DELE1: variants seen among roughly 807,000 people sequenced by gnomAD.
DELE1 encodes DAP3 binding cell death enhancer 1.
A neutral mutation model predicts 59.3 loss-of-function variants in DELE1; 54 were observed. That is an observed-to-expected ratio of 0.91 (90% confidence interval 0.73 to 1.14). The LOEUF (loss-of-function observed/expected upper bound fraction) is 1.14, where lower values mean the gene tolerates loss of function less well. DELE1 is among the 50% of genes most tolerant of loss of function. The pLI is 0.00. For synonymous variants in DELE1, 264 were observed against 259.1 expected (o/e 1.02, Z -0.18); for missense variants, 636 against 643.9 (o/e 0.99, Z 0.13).
In DELE1 at chr5:141,923,973, G is replaced by C. The variant is rs987508740; in HGVS notation, c.31+1G>C. ...CGCCTCCCGGGACTCCTGGGCCGAG[G>C]TAAGGGACGTCCAAGCAACCAGCGT... On this transcript the variant is annotated splice_donor_variant, in intron 1 of 11. Coordinates refer to ENST00000432126, the MANE Select transcript of DELE1 (RefSeq NM_014773.5). LOFTEE classifies it high-confidence loss of function. 2.0e-5 allele frequency: 33 copies of C among 1,609,866 alleles called. No individual in the cohort carries two copies. Among genetic ancestry groups the C allele is most frequent in the Non-Finnish European group, 2.8e-5 (33 of 1,178,310 alleles).
At position 141,934,606 on chromosome 5, in the gene DELE1, A is replaced by G; in HGVS notation, c.1149+20A>G. ...AATGGGGTATGCGATCTCAGTGGAC[A>G]AGCATGTTGGGGATGAAGCCTGATA... On this transcript the variant is annotated intron_variant, in intron 10 of 11. Transcript: ENST00000432126. The G allele has an allele frequency of 6.2e-7, 1 of 1,608,268 alleles. No homozygotes were observed. Among genetic ancestry groups the G allele is most frequent in the Non-Finnish European group, 8.5e-7 (1 of 1,174,600 alleles).
chr5:141,934,527 G>T lies in DELE1; in HGVS notation c.1090G>T (p.Glu364Ter). ...QAFLGVLFTK[E>*]PYLDEQRAVK... ...TTTCCTCGGGGTGCTTTTCACCAAGGAGCCCTACCTGGATGAGCAGAGAGC... is the reference window on the plus strand; with the variant it reads ...TTTCCTCGGGGTGCTTTTCACCAAGTAGCCCTACCTGGATGAGCAGAGAGC... The change falls in exon 10 of 12, where the codon GAG becomes TAG. Residue 364 changes from glutamate (E) to a stop codon, truncating the protein, a stop_gained. Transcript: ENST00000432126. LOFTEE classifies it high-confidence loss of function. 2.5e-6 allele frequency: 4 copies of T among 1,614,256 alleles called. No homozygotes were observed. Among genetic ancestry groups the T allele is most frequent in the Non-Finnish European group, 3.4e-6 (4 of 1,180,052 alleles).
At position 141,929,509 on chromosome 5, in the gene DELE1, C is replaced by T. The variant is rs981700876; in HGVS notation, c.413-73C>T. 16 of 1,532,818 alleles carry T rather than the reference C, an allele frequency of 1.0e-5. No individual in the cohort carries two copies. The African/African-American group carries it at 1.9e-4, about 18-fold the overall frequency. 95.0% of individuals were successfully genotyped at this position (1,532,818 alleles called of 1,614,324 possible). A position where few individuals can be genotyped will look rare whatever the true frequency, so the allele number is the denominator to read the frequency against. On this transcript the variant is annotated intron_variant, in intron 4 of 11. Coordinates refer to ENST00000432126, the MANE Select transcript of DELE1 (RefSeq NM_014773.5). ...AGGTGATCCACCCGCCTCGGCCTCCCAAGGTGCTGTGATTATAGGTGTGAG... is the reference window on the plus strand; with the variant it reads ...AGGTGATCCACCCGCCTCGGCCTCCTAAGGTGCTGTGATTATAGGTGTGAG...
At position 141,940,204 on chromosome 5, in the gene DELE1, A is replaced by T; in HGVS notation, c.*1445A>T. The T allele has an allele frequency of 1.0e-6, 1 of 985,336 alleles. No homozygotes were observed. Among genetic ancestry groups the T allele is most frequent in the East Asian group, 1.1e-4 (1 of 8,800 alleles). The allele number at this position is 985,336 out of a possible 1,614,324, so 61.0% of individuals were successfully genotyped here. Reference sequence around the variant, plus strand: ...AAGAGCCAGGGAGACGGGCAGGGGGAGCTGAAAGCTGAGGCTCCGTCCTCA... The same window carrying T: ...AAGAGCCAGGGAGACGGGCAGGGGGTGCTGAAAGCTGAGGCTCCGTCCTCA... On this transcript the variant is annotated 3_prime_UTR_variant, in exon 12 of 12. Coordinates refer to ENST00000432126, the MANE Select transcript of DELE1 (RefSeq NM_014773.5).
chr5:141,937,146 G>T, intron 10 of DELE1, 52 bp from the exon 11 acceptor site: 1 of 1,606,048 alleles, frequency 6.2e-7, no homozygotes, highest in Non-Finnish European at 8.5e-7. Flanking sequence ...TAGCATGTCA[G>T]TTCCTCATTC....
rs904250729 is a variant in DELE1, at chr5:141,938,827, A to G, written c.*68A>G. 6.0e-5 allele frequency: 91 copies of G among 1,518,210 alleles called. 1 individual carries two copies. In the East Asian group the frequency reaches 1.9e-3, roughly 32 times the overall value. The allele number at this position is 1,518,210 out of a possible 1,614,324, so 94.0% of individuals were successfully genotyped here. On this transcript the variant is annotated 3_prime_UTR_variant, in exon 12 of 12. Coordinates refer to ENST00000432126, the MANE Select transcript of DELE1 (RefSeq NM_014773.5). ...GCGGGCAGGAGGTTGGATAACAAAA[A>G]TAGAGCATCAGCAACCCTTTCCAGG...
At chr5:141,928,091 G>T (rs2126870814) in intron 3 of DELE1, 60 bp from the exon 4 acceptor site, 1 of 1,551,670 alleles carries the variant, frequency 6.4e-7, no homozygotes, top group South Asian at 1.2e-5. Flanking sequence ...TGAGAATAAG[G>T]CCGGGTCTGA....
rs1318089381 is a variant in DELE1 at position 141,930,017 on chromosome 5, C to T, written c.600C>T (p.Ala200=). Residue 200 remains alanine, a synonymous_variant, in exon 6 of 12, where the codon GCC becomes GCT. Coordinates refer to ENST00000432126, the MANE Select transcript of DELE1 (RefSeq NM_014773.5). ...CCGGTGATTTTGGCTTCCTGCATGC[C>T]AGTAGTAGCATCGAGTCCGAGGCAA... ...EGPGDFGFLH[A]SSSIESEAKP... 1.2e-6 allele frequency: 2 copies of T among 1,614,054 alleles called. No homozygotes were observed. Among genetic ancestry groups the T allele is most frequent in the East Asian group, 4.5e-5 (2 of 44,898 alleles).
intron 1 of DELE1, among the ~76,000 whole-genome samples, chr5:141,924,341 G>A (rs1267931103): frequency 2.0e-5 from 3 of 152,156 alleles, no homozygotes; most frequent in Non-Finnish European, 4.4e-5. Flanking sequence ...TGAACGTTTG[G>A]TCATCTTAGA....
chr5:141,934,579 A>T lies in DELE1; in HGVS notation c.1142A>T (p.Asn381Ile). The T allele has an allele frequency of 6.2e-7, 1 of 1,614,158 alleles. No individual in the cohort carries two copies. Among genetic ancestry groups the T allele is most frequent in the Non-Finnish European group, 8.5e-7 (1 of 1,179,952 alleles). ...RAVKYLWLAA[N>I]NGDSQSRYHL... ...GTGAAATATCTTTGGCTTGCAGCCA[A>T]CAATGGGGTATGCGATCTCAGTGGA... The change falls in exon 10 of 12, where the codon AAC (asparagine) becomes ATC (isoleucine). Residue 381 changes from asparagine to isoleucine, a missense_variant. Transcript: ENST00000432126.
rs749345532 is a variant in DELE1, at chr5:141,924,630, C to A, written c.81C>A (p.Ser27=). Residue 27 remains serine, a synonymous_variant, in exon 2 of 12, where the codon TCC becomes TCA. Transcript: ENST00000432126. ...GPSLWRVTPK[S]TSPDGPQTTS... is the part of the protein sequence containing the mutation. ...GCCTCTGGAGGGTGACTCCTAAGTC[C>A]ACCAGCCCAGATGGGCCTCAGACTA... is the stretch of plus-strand genomic sequence containing the variant. 6 of 1,614,180 alleles carry A rather than the reference C, an allele frequency of 3.7e-6. No individual in the cohort carries two copies. Among genetic ancestry groups the A allele is most frequent in the Non-Finnish European group, 4.2e-6 (5 of 1,179,998 alleles).
At chr5:141,924,054 A>G in intron 1 of DELE1, 82 bp downstream of exon 1, 2 of 1,541,874 alleles carry the variant, frequency 1.3e-6, no homozygotes, top group Non-Finnish European at 8.8e-7. Context: ...GAAACAGCCG[A>G]AGCGATCGTG....
intron 10 of DELE1, chr5:141,936,980 C>A (rs1752411504): frequency 2.9e-6 from 4 of 1,392,852 alleles, no homozygotes; most frequent in Non-Finnish European, 3.7e-6. Context: ...CTGGAATCTC[C>A]CTGGGTGGAG....
Position 141,940,588 on chromosome 5 carries a change from C to T in DELE1, c.*1829C>T, listed in dbSNP as rs1426998350. ...TTCTTAGTGGTCCTGCCATACTTTCCTAGCACCTCTCTTTCACCCGGGGAG... is the reference window on the plus strand; with the variant it reads ...TTCTTAGTGGTCCTGCCATACTTTCTTAGCACCTCTCTTTCACCCGGGGAG... On this transcript the variant is annotated 3_prime_UTR_variant, in exon 12 of 12. Coordinates refer to ENST00000432126, the MANE Select transcript of DELE1 (RefSeq NM_014773.5). 1.0e-6 allele frequency: 1 copy of T among 985,598 alleles called. No individual in the cohort carries two copies. 61.1% of individuals were successfully genotyped at this position (985,598 alleles called of 1,614,324 possible).
At position 141,928,220 on chromosome 5, in the gene DELE1, C is replaced by T. The variant is rs1257528702; in HGVS notation, c.334C>T (p.Pro112Ser). ...CTTCCAGGCATCCCTGCCAGCAGGA[C>T]CTCAGCGGGTAGAACACTGCTCCTG... ...IHFQASLPAG[P>S]QRVEHCSWHS... The change falls in exon 4 of 12, where the codon CCT becomes TCT. Residue 112 changes from proline (P) to serine (S), a missense_variant. Pro to Ser is a moderately conservative substitution (Grantham distance 74). Transcript: ENST00000432126. 3 of 1,614,250 alleles carry T rather than the reference C, an allele frequency of 1.9e-6. No individual in the cohort carries two copies. Among genetic ancestry groups the T allele is most frequent in the African/African-American group, 1.3e-5 (1 of 75,080 alleles).
rs542386559 is a variant in DELE1, at chr5:141,934,965, A to C, written c.1149+379A>C. 1.5e-4 allele frequency: 34 copies of C among 222,736 alleles called. 1 individual carries two copies. In the South Asian group the frequency reaches 2.5e-3, roughly 16 times the overall value. The allele number at this position is 222,736 out of a possible 1,614,324, so 13.8% of individuals were successfully genotyped here. A position where few individuals can be genotyped will look rare whatever the true frequency, so the allele number is the denominator to read the frequency against. ...AACCTGTTTCCTCGTCTTTAAAATC[A>C]GAATAATAATGCTTGCCTTACCTGT... On this transcript the variant is annotated intron_variant, in intron 10 of 11. Transcript: ENST00000432126.
intron 8 of DELE1, chr5:141,933,861 T>TA (rs372615295): frequency 4.0e-3 from 636 of 160,594 alleles, no homozygotes; most frequent in Admixed American, 8.7e-3. Flanking sequence ...CTATTAAAGT[T>TA]AAAAAAATAG....
chr5:141,939,325 AAAACAT>A lies in DELE1; in HGVS notation c.*569_*574del. 1.2e-6 allele frequency: 1 copy of A among 832,604 alleles called. No homozygotes were observed. Among genetic ancestry groups the A allele is most frequent in the South Asian group, 5.5e-5 (1 of 18,192 alleles). The allele number at this position is 832,604 out of a possible 1,614,324, so 51.6% of individuals were successfully genotyped here. ...AAAAAATAGTGAATCAGTTTAAAGA[AAAACAT>A]AACGTAAAAGTGGGCACAGATCCAG... On this transcript the variant is annotated 3_prime_UTR_variant, in exon 12 of 12. Coordinates refer to ENST00000432126, the MANE Select transcript of DELE1 (RefSeq NM_014773.5).
intron 7 of DELE1, chr5:141,931,383 A>G (rs1751896190): frequency 2.6e-5 from 4 of 152,144 alleles, no homozygotes; most frequent in Admixed American, 2.6e-4. Context: ...AGCCACAGTA[A>G]AGAGTGTGGA....
Sources: gnomAD v4.1 joint callset for allele counts (sites outside exome capture counted in the v4.1 genomes callset) on GRCh38, gnomAD v4.1.1 for gene constraint, MANE v1.5 for transcripts, NCBI Gene and HGNC (gene_info 2026-07-23, HGNC 2026-07-21) for gene names.